Variants in DGKB observed in about 807,000 individuals in gnomAD.
DGKB encodes 90 kDa diacylglycerol kinase.
DGKB carries 67 observed loss-of-function variants against 114.3 expected under a neutral mutation model. The ratio of observed to expected loss-of-function variants is 0.59; its 90% confidence interval spans 0.48 to 0.72. The LOEUF (loss-of-function observed/expected upper bound fraction) is 0.72. Ranked by LOEUF, DGKB falls within the 30% of genes least tolerant of loss-of-function variation. The pLI is 0.00. For synonymous variants in DGKB, 398 were observed against 323.1 expected, an observed-to-expected ratio of 1.23 and a Z score of -2.49; for missense variants, 907 against 975.2, an observed-to-expected ratio of 0.93 and a Z score of 0.93.
At chr7:14,339,580 T>A (rs1372378928) in intron 22 of DGKB, among the ~76,000 whole-genome samples, 1 of 152,078 alleles carries the variant, frequency 6.6e-6, no homozygotes, top group East Asian at 1.9e-4. Flanking sequence ...TTTTTGAATT[T>A]TCCATTCATT....
chr7:14,750,467 G>A (rs942640716), intron 4 of DGKB, among the ~76,000 whole-genome samples: 3 of 152,038 alleles, frequency 2.0e-5, no homozygotes, highest in Non-Finnish European at 4.4e-5. Context: ...ATTACTTTGG[G>A]TCGTATACCT....
At chr7:14,362,788 C>G (rs1486990336) in intron 21 of DGKB, among the ~76,000 whole-genome samples, 1 of 152,008 alleles carries the variant, frequency 6.6e-6, no homozygotes, top group Non-Finnish European at 1.5e-5. Context: ...TTACAATGTA[C>G]TGTTTAATAC....
intron 1 of DGKB, among the ~76,000 whole-genome samples, chr7:14,970,977 A>T (rs772460170): frequency 6.6e-6 from 1 of 152,178 alleles, no homozygotes; most frequent in Non-Finnish European, 1.5e-5. Context: ...GTAAAGCCCT[A>T]AAGTTTCAAA....
chr7:14,220,873 G>A (rs1473319115), intron 23 of DGKB, among the ~76,000 whole-genome samples: 1 of 151,064 alleles, frequency 6.6e-6, no homozygotes, highest in African/African-American at 2.4e-5. Context: ...TTTCAATGAT[G>A]TTTTGCAGTT....
At chr7:14,178,947 TCTC>T (rs1782228478) in intron 23 of DGKB, among the ~76,000 whole-genome samples, 1 of 152,130 alleles carries the variant, frequency 6.6e-6, no homozygotes, top group Non-Finnish European at 1.5e-5. Flanking sequence ...TAAATGTGAT[TCTC>T]CTCATTTACA....
intron 23 of DGKB, among the ~76,000 whole-genome samples, chr7:14,309,553 T>C (rs917732212): frequency 2.6e-5 from 4 of 152,212 alleles, no homozygotes; most frequent in African/African-American, 9.6e-5. Context: ...CATGAATATC[T>C]GGAGCAATGC....
In DGKB at chr7:14,689,196, C is replaced by CTTTTTTT. The variant is rs1554599070; in HGVS notation, c.712-3835_712-3834insAAAAAAA. On this transcript the variant is annotated intron_variant, in intron 9 of 25. Transcript: ENST00000402815. ...TTATGACAATGTGACAGAAACTCCT[C>CTTTTTTT]TTATTTTTTTTTTTTTTTTTTTTTT... Among the ~76,000 whole-genome samples, 12 of 80,302 alleles carry CTTTTTTT rather than the reference C, an allele frequency of 1.5e-4. 1 individual carries two copies. The highest frequency in any genetic ancestry group is 5.4e-4 in the African/African-American group (11 of 20,222). The allele number at this position is 80,302 out of a possible 152,430, so 52.7% of individuals were successfully genotyped here. A position where few individuals can be genotyped will look rare whatever the true frequency, so the allele number is the denominator to read the frequency against.
chr7:14,920,066 A>G (rs757174601), intron 1 of DGKB, among the ~76,000 whole-genome samples: 10 of 152,208 alleles, frequency 6.6e-5, no homozygotes, highest in Non-Finnish European at 1.3e-4. Context: ...CATGTAGAGG[A>G]TGACATAGAA....
intron 21 of DGKB, among the ~76,000 whole-genome samples, chr7:14,381,745 A>C (rs1041574517): frequency 1.3e-5 from 2 of 152,180 alleles, no homozygotes; most frequent in Non-Finnish European, 2.9e-5. Context: ...CAGTAGCTGG[A>C]ACTACAGGTG....
At chr7:14,216,226 G>A (rs1788939532) in intron 23 of DGKB, among the ~76,000 whole-genome samples, 1 of 152,048 alleles carries the variant, frequency 6.6e-6, no homozygotes, top group African/African-American at 2.4e-5. Context: ...TTTTAATCTG[G>A]ACAGAAGTGG....
intron 15 of DGKB, among the ~76,000 whole-genome samples, chr7:14,619,769 T>A (rs1807256578): frequency 6.6e-6 from 1 of 151,662 alleles, no homozygotes; most frequent in Non-Finnish European, 1.5e-5. Flanking sequence ...TCAACATGAT[T>A]TTGAAAATGA....
chr7:14,842,075 C>T (rs369353876), intron 1 of DGKB, among the ~76,000 whole-genome samples: 1 of 152,100 alleles, frequency 6.6e-6, no homozygotes, highest in Non-Finnish European at 1.5e-5. Context: ...TAAAGGCAAA[C>T]AAAATGAAAA....
chr7:14,857,260 G>GTGTGTGTGTGTGTGTGTGTGTC (rs1388641075), intron 1 of DGKB, among the ~76,000 whole-genome samples: 6 of 149,182 alleles, frequency 4.0e-5, no homozygotes, highest in South Asian at 2.2e-4. Context: ...GTGTGTGTTT[G>GTGTGTGTGTGTGTGTGTGTGTC]TGTGTGTGTG....
At chr7:14,896,068 T>A (rs1782050530) in intron 1 of DGKB, among the ~76,000 whole-genome samples, 2 of 151,728 alleles carry the variant, frequency 1.3e-5, no homozygotes, top group South Asian at 4.1e-4. Context: ...GTTCATATAA[T>A]CCAAAGGGAG....
intron 1 of DGKB, among the ~76,000 whole-genome samples, chr7:14,973,516 T>C (rs1329589162): frequency 1.5e-5 from 2 of 135,454 alleles, no homozygotes; most frequent in African/African-American, 5.6e-5. Flanking sequence ...TTGTTTGTTT[T>C]TTGTTTTTTT....
intron 1 of DGKB, among the ~76,000 whole-genome samples, chr7:14,880,205 T>C (rs1854004187): frequency 2.1e-5 from 3 of 144,824 alleles, no homozygotes; most frequent in Non-Finnish European, 1.5e-5. Flanking sequence ...AAAATAAAAG[T>C]TCATCAGTAT....
At position 14,277,042 on chromosome 7, in the gene DGKB, T is replaced by A. The variant is rs1395033367; in HGVS notation, c.2122+61473A>T. ...TAAGATATATTATTATTGACTATAG[T>A]CACTCTACTGTGCAATAGATCTCAA... On this transcript the variant is annotated intron_variant, in intron 23 of 25. Coordinates refer to ENST00000402815, the MANE Select transcript of DGKB (RefSeq NM_001350709.2). Among the ~76,000 whole-genome samples the A allele has an allele frequency of 2.0e-5, 3 of 152,158 alleles. No individual in the cohort carries two copies. In the South Asian group the frequency reaches 6.2e-4, roughly 31 times the overall value.
chr7:14,813,738 TG>T (rs1843726945), intron 2 of DGKB, among the ~76,000 whole-genome samples: 1 of 152,170 alleles, frequency 6.6e-6, no homozygotes, highest in African/African-American at 2.4e-5. Context: ...TGATATATAA[TG>T]TTTTCTTTCA....
At chr7:14,969,915 C>T (rs758147658) in intron 1 of DGKB, among the ~76,000 whole-genome samples, 1 of 152,112 alleles carries the variant, frequency 6.6e-6, no homozygotes, top group South Asian at 2.1e-4. Flanking sequence ...GTTCTACTGA[C>T]ACATTATGAC....
Sources: gnomAD v4.1 joint callset for allele counts (sites outside exome capture counted in the v4.1 genomes callset) on GRCh38, gnomAD v4.1.1 for gene constraint, MANE v1.5 for transcripts, NCBI Gene and HGNC (gene_info 2026-07-23, HGNC 2026-07-21) for gene names.